Variants in SDCCAG8 observed in about 807,000 individuals in gnomAD.
The protein encoded by SDCCAG8 is serologically defined colon cancer antigen 8.
Under a neutral mutation model 101.8 loss-of-function variants are expected in SDCCAG8, and 74 were observed. The observed-to-expected ratio is 0.73, with a 90% CI of 0.60 to 0.88. SDCCAG8 has a LOEUF of 0.88. Ranked by LOEUF, SDCCAG8 falls within the 40% of genes least tolerant of loss-of-function variation. The pLI, the probability that SDCCAG8 is intolerant of heterozygous loss-of-function variation, is 0.00. For missense variants in SDCCAG8, 787 were observed against 822.6 expected (o/e 0.96, Z 0.53); for synonymous variants, 281 against 292.9 (o/e 0.96, Z 0.41).
intron 13 of SDCCAG8, among the ~76,000 whole-genome samples, chr1:243,405,362 G>A (rs946123989): frequency 6.6e-6 from 1 of 152,130 alleles, no homozygotes; most frequent in Non-Finnish European, 1.5e-5. Context: ...AAACATGGCA[G>A]CAAATCACAG....
intron 12 of SDCCAG8, among the ~76,000 whole-genome samples, chr1:243,351,164 G>A (rs1370530714): frequency 2.0e-5 from 3 of 152,156 alleles, no homozygotes; most frequent in Non-Finnish European, 4.4e-5. Flanking sequence ...ACTGGGAGAG[G>A]GGCCATTTGG....
At chr1:243,457,055 G>A (rs191700486) in intron 16 of SDCCAG8, among the ~76,000 whole-genome samples, 6 of 152,332 alleles carry the variant, frequency 3.9e-5, no homozygotes, top group South Asian at 2.1e-4. Context: ...CGGAAGACTC[G>A]TAGGTATTTA....
intron 16 of SDCCAG8, among the ~76,000 whole-genome samples, chr1:243,437,223 AC>A (rs2082192911): frequency 1.3e-5 from 2 of 152,132 alleles, no homozygotes; most frequent in South Asian, 4.1e-4. Flanking sequence ...AAATGTGAAA[AC>A]CTAGATTGCC....
intron 13 of SDCCAG8, among the ~76,000 whole-genome samples, chr1:243,393,298 A>G (rs2147949175): frequency 6.6e-6 from 1 of 151,796 alleles, no homozygotes; most frequent in East Asian, 1.9e-4. Flanking sequence ...CTTGTGTAGA[A>G]CAGATGGCAC....
chr1:243,281,602 A>G (rs900225640), intron 4 of SDCCAG8, among the ~76,000 whole-genome samples: 1 of 123,574 alleles, frequency 8.1e-6, no homozygotes, highest in Non-Finnish European at 1.8e-5. Flanking sequence ...CATTGTCTTT[A>G]TTTTTTGTTT....
intron 12 of SDCCAG8, among the ~76,000 whole-genome samples, chr1:243,344,939 T>C (rs1351797433): frequency 6.6e-6 from 1 of 152,170 alleles, no homozygotes; most frequent in Admixed American, 6.5e-5. Context: ...GTTGACAACA[T>C]GGATAAAGTT....
intron 16 of SDCCAG8, among the ~76,000 whole-genome samples, chr1:243,439,866 G>A (rs1229559209): frequency 6.6e-6 from 1 of 152,132 alleles, no homozygotes; most frequent in East Asian, 1.9e-4. Context: ...GCCTCTCAGC[G>A]GGGCTTGGAC....
At position 243,256,102 on chromosome 1, in the gene SDCCAG8, C is replaced by T; in HGVS notation, c.-72C>T. On this transcript the variant is annotated 5_prime_UTR_variant, in exon 1 of 18. Coordinates refer to ENST00000366541, the MANE Select transcript of SDCCAG8 (RefSeq NM_006642.5). ...AGGCGGGCGCTCCCCGGCCACAGGC[C>T]TGTTGTTCTCGGAAGGGAGAAAGCT... is the stretch of plus-strand genomic sequence containing the variant. 1 of 1,447,090 alleles carries T rather than the reference C, an allele frequency of 6.9e-7. No individual in the cohort carries two copies. The highest frequency in any genetic ancestry group is 9.7e-7 in the Non-Finnish European group (1 of 1,027,884). The allele number at this position is 1,447,090 out of a possible 1,614,324, so 89.6% of individuals were successfully genotyped here. A position where few individuals can be genotyped will look rare whatever the true frequency, so the allele number is the denominator to read the frequency against.
chr1:243,414,249 G>A (rs1444725454), intron 13 of SDCCAG8, among the ~76,000 whole-genome samples: 1 of 152,062 alleles, frequency 6.6e-6, no homozygotes, highest in African/African-American at 2.4e-5. Flanking sequence ...CATCTTACAG[G>A]GGGATTGAGT....
chr1:243,498,301 A>G (rs1018718637), intron 17 of SDCCAG8, among the ~76,000 whole-genome samples: 1 of 152,210 alleles, frequency 6.6e-6, no homozygotes, highest in African/African-American at 2.4e-5. Flanking sequence ...CCCCTCTGCA[A>G]TGGCAGGGCT....
intron 12 of SDCCAG8, among the ~76,000 whole-genome samples, chr1:243,361,317 C>A (rs2076698050): frequency 6.6e-6 from 1 of 152,158 alleles, no homozygotes; most frequent in African/African-American, 2.4e-5. Flanking sequence ...AGTACTCCTG[C>A]CCCCTTTCTG....
In SDCCAG8 at chr1:243,302,035, G is replaced by T. The variant is rs563868951; in HGVS notation, c.676-2678G>T. ...GGCTGAGGTGGGCGGATCACCTGAG[G>T]TCAGGAGTTCAAGACCAGCTTGGCC... On this transcript the variant is annotated intron_variant, in intron 6 of 17. Coordinates refer to ENST00000366541, the MANE Select transcript of SDCCAG8 (RefSeq NM_006642.5). Among the ~76,000 whole-genome samples the T allele has an allele frequency of 4.2e-4, 64 of 152,184 alleles. 1 individual carries two copies. The highest frequency in any genetic ancestry group is 1.4e-3 in the African/African-American group (60 of 41,544).
intron 12 of SDCCAG8, among the ~76,000 whole-genome samples, chr1:243,355,840 G>A (rs1426401606): frequency 6.6e-6 from 1 of 152,052 alleles, no homozygotes; most frequent in East Asian, 1.9e-4. Context: ...GAACTCCTGA[G>A]CTCAAGCCAT....
intron 1 of SDCCAG8, among the ~76,000 whole-genome samples, chr1:243,261,858 CTTTT>C (rs371602212): frequency 2.2e-5 from 3 of 136,376 alleles, no homozygotes; most frequent in East Asian, 2.1e-4. Context: ...TTTTCTTTTT[CTTTT>C]TTTTTTTTTT....
At position 243,362,038 on chromosome 1, in the gene SDCCAG8, A is replaced by C. The variant is rs61833946; in HGVS notation, c.1474-16683A>C. Among the ~76,000 whole-genome samples, 667 of 114,926 alleles carry C rather than the reference A, an allele frequency of 5.8e-3. 9 individuals carry two copies. Among genetic ancestry groups the C allele is most frequent in the South Asian group, 8.9e-3 (33 of 3,724 alleles). The allele number at this position is 114,926 out of a possible 152,430, so 75.4% of individuals were successfully genotyped here. On this transcript the variant is annotated intron_variant, in intron 12 of 17. Transcript: ENST00000366541. ...AGTGACTGCCTCAAGTAACACAGTA[A>C]CTGGATGGATAGGTGGGTGAAGAGA...
intron 16 of SDCCAG8, among the ~76,000 whole-genome samples, chr1:243,433,130 A>G (rs1022731297): frequency 6.6e-6 from 1 of 152,170 alleles, no homozygotes; most frequent in African/African-American, 2.4e-5. Context: ...ATGCAGGCTT[A>G]TGGATACGGT....
chr1:243,466,705 C>G (rs963749953), intron 16 of SDCCAG8, among the ~76,000 whole-genome samples: 1 of 152,184 alleles, frequency 6.6e-6, no homozygotes, highest in African/African-American at 2.4e-5. Context: ...AGGAAATGAG[C>G]CTGTATTATG....
chr1:243,472,615 C>T (rs904377063), intron 16 of SDCCAG8, among the ~76,000 whole-genome samples: 2 of 152,202 alleles, frequency 1.3e-5, no homozygotes, highest in Non-Finnish European at 2.9e-5. Context: ...AGCTGTCATG[C>T]CTACTGCAGC....
chr1:243,399,569 T>A (rs2079241594), intron 13 of SDCCAG8, among the ~76,000 whole-genome samples: 1 of 152,068 alleles, frequency 6.6e-6, no homozygotes, highest in Non-Finnish European at 1.5e-5. Context: ...TGCAGTGGCG[T>A]GATCTCAGCT....
Sources: allele counts gnomAD v4.1 joint callset (sites outside exome capture counted in the v4.1 genomes callset), GRCh38; gene constraint gnomAD v4.1.1; transcripts MANE v1.5; gene names NCBI Gene and HGNC (gene_info 2026-07-23, HGNC 2026-07-21).